The following IGSF5 variants were observed in gnomAD, a reference collection of about 807,000 sequenced individuals.
The protein encoded by IGSF5 is immunoglobulin superfamily 5 like.
A neutral mutation model predicts 39.4 loss-of-function variants in IGSF5; 41 were observed. That is an observed-to-expected ratio of 1.04 (90% CI 0.81 to 1.35). IGSF5 has a LOEUF of 1.35. Among genes scored for constraint, IGSF5 ranks in the 40% most tolerant of loss-of-function variants. The pLI is 0.00. For missense variants in IGSF5, 487 were observed against 494.6 expected (o/e 0.98, Z 0.15); for synonymous variants, 183 against 175.3 (o/e 1.04, Z -0.34).
intron 6 of IGSF5, among the ~76,000 whole-genome samples, chr21:39,791,334 C>T (rs1380954376): frequency 6.6e-6 from 1 of 152,200 alleles, no homozygotes; most frequent in Non-Finnish European, 1.5e-5. Flanking sequence ...AATCAACATT[C>T]TTTCAAGTAC....
intron 2 of IGSF5, among the ~76,000 whole-genome samples, chr21:39,752,931 T>G (rs553244354): frequency 2.5e-4 from 38 of 152,260 alleles, no homozygotes; most frequent in Non-Finnish European, 2.8e-4. Context: ...TTGCAAATAT[T>G]TCCCCCCACT....
At chr21:39,799,930 C>A (rs188738729) in intron 8 of IGSF5, among the ~76,000 whole-genome samples, 1 of 152,220 alleles carries the variant, frequency 6.6e-6, no homozygotes, top group East Asian at 1.9e-4. Flanking sequence ...TACAATATGA[C>A]AATTTTCTTC....
chr21:39,778,045 G>T (rs1173337320), intron 4 of IGSF5, among the ~76,000 whole-genome samples: 1 of 152,190 alleles, frequency 6.6e-6, no homozygotes, highest in Non-Finnish European at 1.5e-5. Flanking sequence ...ACGCAGGGTT[G>T]AGTGACAGCC....
At chr21:39,794,473 C>A (rs896253660) in intron 8 of IGSF5, among the ~76,000 whole-genome samples, 2 of 152,116 alleles carry the variant, frequency 1.3e-5, no homozygotes, top group Non-Finnish European at 2.9e-5. Context: ...GGTCAACTGG[C>A]AGCACTGAGA....
At chr21:39,741,367 A>G (rs386856), upstream of IGSF5, among the ~76,000 whole-genome samples, 124,494 of 152,150 alleles carry the variant, frequency 0.82, 51,115 homozygotes, top group Admixed American at 0.86. Flanking sequence ...GTTTTGGGAT[A>G]AGGATAAGCC....
At chr21:39,799,957 A>G (rs193191194) in intron 8 of IGSF5, among the ~76,000 whole-genome samples, 1 of 152,314 alleles carries the variant, frequency 6.6e-6, no homozygotes, top group East Asian at 1.9e-4. Flanking sequence ...TATTTCTCTG[A>G]TGACTGAATC....
rs547118607 is a variant in IGSF5, at chr21:39,797,386, T to G, written c.1128+3773T>G. Among the ~76,000 whole-genome samples the G allele has an allele frequency of 2.6e-5, 4 of 152,118 alleles. No individual in the cohort carries two copies. In the South Asian group the frequency reaches 8.3e-4, roughly 32 times the overall value. On this transcript the variant is annotated intron_variant, in intron 8 of 8. Coordinates refer to ENST00000380588, the MANE Select transcript of IGSF5 (RefSeq NM_001080444.2). ...GGCGTCTGCCACCATGCCCAGCTAA[T>G]TTTTGTATTTTTAGTAGAGACAGCA... is the stretch of plus-strand genomic sequence containing the variant.
the IGSF5 span, among the ~76,000 whole-genome samples, chr21:39,724,891 C>T: frequency 0.052 from 7,987 of 152,220 alleles, 380 homozygotes; most frequent in East Asian, 0.23. Flanking sequence ...AGGAGAGTAA[C>T]GCCTTACATG....
chr21:39,716,203 C>T, the IGSF5 span, among the ~76,000 whole-genome samples: 2 of 152,210 alleles, frequency 1.3e-5, no homozygotes, highest in Non-Finnish European at 2.9e-5. Context: ...ACTCGTCCCT[C>T]CCCTAATACA....
At chr21:39,765,905 G>A (rs2080085412) in intron 3 of IGSF5, 53 bp downstream of exon 3, 1 of 1,532,860 alleles carries the variant, frequency 6.5e-7, no homozygotes, top group Non-Finnish European at 8.9e-7. Flanking sequence ...CAGAGGGCAG[G>A]AAGGACCTTC....
At chr21:39,718,810 CT>C in the IGSF5 span, among the ~76,000 whole-genome samples, 4 of 152,036 alleles carry the variant, frequency 2.6e-5, no homozygotes, top group Admixed American at 2.6e-4. Flanking sequence ...CTGAAGTTTT[CT>C]TTTTTTGTTG....
chr21:39,787,552 G>GTTT lies in IGSF5; in HGVS notation c.935-598_935-596dup, dbSNP rs33925299. ...AAAACATTAGCAATTTAATGACAGTGTTTTTTTTTTTTTTTTTTTGGTGGG... is the reference window on the plus strand; with the variant it reads ...AAAACATTAGCAATTTAATGACAGTGTTTTTTTTTTTTTTTTTTTTTTGGTGGG... On this transcript the variant is annotated intron_variant, in intron 5 of 8. Transcript: ENST00000380588. 5.2e-3 allele frequency among the ~76,000 whole-genome samples: 626 copies of GTTT among 119,848 alleles called. 14 individuals carry two copies. The highest frequency in any genetic ancestry group is 0.017 in the East Asian group (68 of 3,912). The allele number at this position is 119,848 out of a possible 152,430, so 78.6% of individuals were successfully genotyped here. A position where few individuals can be genotyped will look rare whatever the true frequency, so the allele number is the denominator to read the frequency against.
chr21:39,801,177 C>A (rs2087026438), intron 8 of IGSF5, 85 bp from the exon 9 acceptor site: 4 of 918,460 alleles, frequency 4.4e-6, no homozygotes, highest in Admixed American at 2.0e-5. Context: ...TTTATCTTAA[C>A]AGATGAGTGA....
intron 8 of IGSF5, among the ~76,000 whole-genome samples, chr21:39,797,106 T>C (rs2087000111): frequency 6.6e-6 from 1 of 152,022 alleles, no homozygotes; most frequent in Non-Finnish European, 1.5e-5. Flanking sequence ...TTCTAGGTCC[T>C]CAATAAACAG....
At chr21:39,742,842 G>A (rs987750443), upstream of IGSF5, among the ~76,000 whole-genome samples, 6 of 152,140 alleles carry the variant, frequency 3.9e-5, no homozygotes, top group African/African-American at 7.2e-5. Flanking sequence ...ATAAAAAAGC[G>A]AGGTTGCCAA....
At chr21:39,713,875 A>G in the IGSF5 span, among the ~76,000 whole-genome samples, 1 of 152,200 alleles carries the variant, frequency 6.6e-6, no homozygotes, top group African/African-American at 2.4e-5. Flanking sequence ...TTTCTCTCTT[A>G]TCTTTCTTCC....
intron 8 of IGSF5, among the ~76,000 whole-genome samples, chr21:39,794,611 G>C (rs1465552592): frequency 6.6e-6 from 1 of 152,196 alleles, no homozygotes; most frequent in East Asian, 1.9e-4. Flanking sequence ...TTTCTGACCT[G>C]TACAAATGCA....
intron 2 of IGSF5, among the ~76,000 whole-genome samples, chr21:39,752,025 T>A (rs987681534): frequency 2.0e-5 from 3 of 152,192 alleles, no homozygotes; most frequent in African/African-American, 4.8e-5. Flanking sequence ...TCTTTACTTT[T>A]AAAAAATTTC....
intron 2 of IGSF5, among the ~76,000 whole-genome samples, chr21:39,754,923 T>A (rs2080022294): frequency 6.6e-6 from 1 of 152,164 alleles, no homozygotes; most frequent in Admixed American, 6.5e-5. Context: ...ACTGCTTGGT[T>A]CCTGGAGCTC....
Sources: allele counts gnomAD v4.1 joint callset (sites outside exome capture counted in the v4.1 genomes callset), GRCh38; gene constraint gnomAD v4.1.1; transcripts MANE v1.5; gene names NCBI Gene and HGNC (gene_info 2026-07-23, HGNC 2026-07-21).